The following GRIK3 variants were observed in gnomAD, a reference collection of about 807,000 sequenced individuals.
GRIK3 encodes glutamate receptor ionotropic, kainate 3.
In GRIK3, 29 loss-of-function variants were observed where a neutral mutation model predicts 102.5. The ratio of observed to expected loss-of-function variants is 0.28; its 90% CI spans 0.21 to 0.39. The LOEUF (loss-of-function observed/expected upper bound fraction) is 0.39, where lower values mean the gene tolerates loss of function less well. Among genes scored for constraint, GRIK3 ranks in the 10% least tolerant of loss-of-function variants. The pLI is 1.00. For synonymous variants in GRIK3, 511 were observed against 504.9 expected, an observed-to-expected ratio of 1.01 and a Z score of -0.16; for missense variants, 908 against 1,252.4, an observed-to-expected ratio of 0.73 and a Z score of 4.15.
Position 36,850,270 on chromosome 1 carries a change from CA to C in GRIK3, c.1326+40del, listed in dbSNP as rs769249142. 13 of 1,311,754 alleles carry C rather than the reference CA, an allele frequency of 9.9e-6. No homozygotes were observed. The highest frequency in any genetic ancestry group is 9.2e-5 in the East Asian group (4 of 43,546). 81.3% of individuals were successfully genotyped at this position (1,311,754 alleles called of 1,614,324 possible). On this transcript the variant is annotated intron_variant, in intron 9 of 15. Transcript: ENST00000373091. The surrounding 1 kb of genome is among the most constrained non-coding windows in gnomAD (Gnocchi z 4.0). ...CCAGCCCGAACGGCCACCCCACCCC[CA>C]GGTCGGACAGTCCTTCCTGCAGGGG...
chr1:37,021,116 G>C (rs929454622), intron 1 of GRIK3, among the ~76,000 whole-genome samples: 5 of 142,054 alleles, frequency 3.5e-5, no homozygotes, highest in African/African-American at 2.7e-5. Context: ...GTGTGTGTGT[G>C]TGTGTGTCTG....
At chr1:36,881,407 C>T (rs1242044926) in intron 2 of GRIK3, among the ~76,000 whole-genome samples, 1 of 152,144 alleles carries the variant, frequency 6.6e-6, no homozygotes, top group Non-Finnish European at 1.5e-5. Flanking sequence ...AGCACAGGAT[C>T]CCCTCTTGTC....
rs145508843 is a variant in GRIK3 at position 36,969,128 on chromosome 1, C to T, written c.115+64866G>A. Among the ~76,000 whole-genome samples, 536 of 152,316 alleles carry T rather than the reference C, an allele frequency of 3.5e-3. 4 individuals are homozygous for T. Among genetic ancestry groups the T allele is most frequent in the African/African-American group, 0.012 (513 of 41,560 alleles). ...CCAAACCCGCATCCTCCAGCTCATC[C>T]CCCAAGTCAAAACCTGAAGGTTACC... On this transcript the variant is annotated intron_variant, in intron 1 of 15. Coordinates refer to ENST00000373091, the MANE Select transcript of GRIK3 (RefSeq NM_000831.4).
chr1:36,920,580 C>T (rs2124303558), intron 1 of GRIK3, among the ~76,000 whole-genome samples: 1 of 152,324 alleles, frequency 6.6e-6, no homozygotes, highest in South Asian at 2.1e-4. Context: ...ATCTCATTGG[C>T]TCTGGCCTCT....
chr1:36,899,798 C>G (rs978610373), intron 1 of GRIK3, among the ~76,000 whole-genome samples: 38 of 152,070 alleles, frequency 2.5e-4, no homozygotes, highest in African/African-American at 9.2e-4. Flanking sequence ...GACTTTGGGT[C>G]AAGGAACTTT....
intron 1 of GRIK3, among the ~76,000 whole-genome samples, chr1:37,017,369 T>TTAA (rs1642662902): frequency 2.1e-5 from 1 of 48,534 alleles, no homozygotes; most frequent in Non-Finnish European, 3.5e-5. Flanking sequence ...CCCTGTCTCT[T>TTAA]AAAAAAAAAA....
chr1:36,886,268 G>C (rs537674647), intron 2 of GRIK3, among the ~76,000 whole-genome samples: 1 of 152,264 alleles, frequency 6.6e-6, no homozygotes, highest in South Asian at 2.1e-4. Flanking sequence ...TTATGCCTCT[G>C]TGTCCCCTCC....
chr1:36,919,853 C>T lies in GRIK3; in HGVS notation c.116-28757G>A, dbSNP rs545220583. On this transcript the variant is annotated intron_variant, in intron 1 of 15. Transcript: ENST00000373091. ...GCCCTACCCGTGGCGGGTGCATATCCTCATCTTCAGGAGAGAGGTGCATGG... is the reference window on the plus strand; with the variant it reads ...GCCCTACCCGTGGCGGGTGCATATCTTCATCTTCAGGAGAGAGGTGCATGG... Among the ~76,000 whole-genome samples the T allele has an allele frequency of 6.6e-5, 10 of 152,304 alleles. No homozygotes were observed. The South Asian group carries it at 1.9e-3, about 28-fold the overall frequency.
chr1:36,868,132 G>T (rs968807356), intron 5 of GRIK3, among the ~76,000 whole-genome samples: 5 of 152,120 alleles, frequency 3.3e-5, no homozygotes, highest in African/African-American at 1.2e-4. Flanking sequence ...GGATGGGGAG[G>T]GCTGCCATGA....
intron 9 of GRIK3, among the ~76,000 whole-genome samples, chr1:36,846,206 G>A: frequency 6.6e-6 from 1 of 151,948 alleles, no homozygotes; most frequent in East Asian, 1.9e-4. Context: ...GAGAGGGCGG[G>A]GGAGGGCAGG....
At position 36,819,890 on chromosome 1, in the gene GRIK3, G is replaced by A; in HGVS notation, c.1755-36C>T. 8.9e-7 allele frequency: 1 copy of A among 1,127,260 alleles called. No homozygotes were observed. Among genetic ancestry groups the A allele is most frequent in the Non-Finnish European group, 1.3e-6 (1 of 752,182 alleles). The allele number at this position is 1,127,260 out of a possible 1,614,324, so 69.8% of individuals were successfully genotyped here. On this transcript the variant is annotated intron_variant, in intron 11 of 15. Coordinates refer to ENST00000373091, the MANE Select transcript of GRIK3 (RefSeq NM_000831.4). This position sits in a 1 kb window ranked among gnomAD's most constrained non-coding sequence, Gnocchi z 4.1. ...AGGAGAGGGACAGTCAGCCTGGGAAGCAAGGGGCATCCACGCCCCAGCAGG... is the reference window on the plus strand; with the variant it reads ...AGGAGAGGGACAGTCAGCCTGGGAAACAAGGGGCATCCACGCCCCAGCAGG...
chr1:36,911,956 C>T (rs1483107726), intron 1 of GRIK3, among the ~76,000 whole-genome samples: 4 of 152,144 alleles, frequency 2.6e-5, no homozygotes, highest in African/African-American at 4.8e-5. Flanking sequence ...CCCCTCTTCA[C>T]GCACACCCAC....
At chr1:37,033,698 G>A (rs1569592877) in intron 1 of GRIK3, among the ~76,000 whole-genome samples, 1 of 152,200 alleles carries the variant, frequency 6.6e-6, no homozygotes, top group Non-Finnish European at 1.5e-5. Context: ...CGCGAAATGC[G>A]CCCTCGACTC....
rs1397614904 is a variant in GRIK3 at position 36,880,985 on chromosome 1, C to T, written c.293-94G>A. 6 of 1,367,886 alleles carry T rather than the reference C, an allele frequency of 4.4e-6. No individual in the cohort carries two copies. Among genetic ancestry groups the T allele is most frequent in the East Asian group, 2.5e-5 (1 of 39,678 alleles). The allele number at this position is 1,367,886 out of a possible 1,614,324, so 84.7% of individuals were successfully genotyped here. On this transcript the variant is annotated intron_variant, in intron 2 of 15. Coordinates refer to ENST00000373091, the MANE Select transcript of GRIK3 (RefSeq NM_000831.4). This position sits in a 1 kb window ranked among gnomAD's most constrained non-coding sequence, Gnocchi z 5.4. ...TGATCCTGTAAACATGTGGGAAAAA[C>T]AGCAACTGGAACCCTCGGTGGGTGC...
chr1:36,806,097 C>G lies in GRIK3; in HGVS notation c.2314+7G>C, dbSNP rs77275732. 5.2e-5 allele frequency: 83 copies of G among 1,604,568 alleles called. No homozygotes were observed. In the East Asian group the frequency reaches 1.7e-3, roughly 33 times the overall value. Reference sequence around the variant, plus strand: ...CCCACCCCTCCCACAGGCAGCCCCTCGCTCACCCATGGGCGTGCCGATGCC... The same window carrying G: ...CCCACCCCTCCCACAGGCAGCCCCTGGCTCACCCATGGGCGTGCCGATGCC... On this transcript the variant is annotated splice_region_variant and intron_variant, in intron 14 of 15. Coordinates refer to ENST00000373091, the MANE Select transcript of GRIK3 (RefSeq NM_000831.4). The surrounding 1 kb of genome is among the most constrained non-coding windows in gnomAD (Gnocchi z 4.0).
At chr1:36,811,672 G>C (rs1050755997) in intron 13 of GRIK3, among the ~76,000 whole-genome samples, 2 of 152,144 alleles carry the variant, frequency 1.3e-5, no homozygotes, top group African/African-American at 4.8e-5. Flanking sequence ...ATCTGCCCCA[G>C]GAGGGAATTT....
At chr1:36,859,458 C>A (rs952606736) in intron 6 of GRIK3, among the ~76,000 whole-genome samples, 8 of 152,138 alleles carry the variant, frequency 5.3e-5, no homozygotes, top group Non-Finnish European at 7.4e-5. Context: ...ATCCTGAGCA[C>A]CCCCCTCTGC....
intron 1 of GRIK3, among the ~76,000 whole-genome samples, chr1:36,961,577 G>A (rs967604587): frequency 2.6e-5 from 4 of 152,188 alleles, no homozygotes; most frequent in South Asian, 2.1e-4. Context: ...CCTTCCCTCC[G>A]ACAGGCCAGG....
intron 1 of GRIK3, among the ~76,000 whole-genome samples, chr1:37,010,693 G>A (rs958818715): frequency 1.3e-4 from 19 of 150,722 alleles, no homozygotes; most frequent in Admixed American, 2.6e-4. Context: ...GAGTCACTGC[G>A]CCATCGCAGG....
Sources: allele counts gnomAD v4.1 joint callset (sites outside exome capture counted in the v4.1 genomes callset), GRCh38; gene constraint gnomAD v4.1.1; non-coding constraint Gnocchi (gnomAD v3.1); transcripts MANE v1.5; gene names NCBI Gene and HGNC (gene_info 2026-07-23, HGNC 2026-07-21).